Variants in HMCN1 observed in about 807,000 individuals in gnomAD.
HMCN1 encodes the protein hemicentin-1.
HMCN1 carries 321 observed loss-of-function variants against 625.9 expected under a neutral mutation model. That is an observed-to-expected ratio of 0.51 (90% CI 0.47 to 0.56). The LOEUF is 0.56. Among genes scored for constraint, HMCN1 ranks in the 20% least tolerant of loss-of-function variants. HMCN1 has a pLI of 0.00. For missense variants in HMCN1, 6,588 were observed against 6,887.3 expected (o/e 0.96, Z 1.54); for synonymous variants, 2,425 against 2,417.6 (o/e 1.00, Z -0.09).
At chr1:185,779,922 A>T (rs984342905) in intron 1 of HMCN1, among the ~76,000 whole-genome samples, 1 of 152,222 alleles carries the variant, frequency 6.6e-6, no homozygotes, top group African/African-American at 2.4e-5. Flanking sequence ...CATTGAATGT[A>T]TAAATTACCT....
Position 185,864,440 on chromosome 1 carries a change from C to T in HMCN1, c.340-30C>T, listed in dbSNP as rs373111290. The T allele has an allele frequency of 5.5e-5, 89 of 1,607,768 alleles. No homozygotes were observed. In the African/African-American group the frequency reaches 6.2e-4, roughly 11 times the overall value. On this transcript the variant is annotated intron_variant, in intron 2 of 106. Coordinates refer to ENST00000271588, the MANE Select transcript of HMCN1 (RefSeq NM_031935.3). ...AATATTCAATTGTTTTTGATGATGACGTAATTGAATTTTTCTCTCCACTCA... is the reference window on the plus strand; with the variant it reads ...AATATTCAATTGTTTTTGATGATGATGTAATTGAATTTTTCTCTCCACTCA...
Position 185,963,771 on chromosome 1 carries a change from T to TA in HMCN1, c.1975dup (p.Arg659LysfsTer27). The TA allele has an allele frequency of 6.3e-7, 1 of 1,598,708 alleles. No homozygotes were observed. On this transcript the variant is annotated frameshift_variant, in exon 13 of 107. Coordinates refer to ENST00000271588, the MANE Select transcript of HMCN1 (RefSeq NM_031935.3). LOFTEE classifies it high-confidence loss of function. Reference sequence around the variant, plus strand: ...TCTTTTTGTTTTTTATTCATAGGTATAGGATGACCTCAGATGGTACCTTAT... The same window carrying TA: ...TCTTTTTGTTTTTTATTCATAGGTATAAGGATGACCTCAGATGGTACCTTAT...
chr1:185,907,362 T>C (rs1490718259), intron 4 of HMCN1, among the ~76,000 whole-genome samples: 1 of 151,936 alleles, frequency 6.6e-6, no homozygotes, highest in African/African-American at 2.4e-5. Context: ...TTTCAGTGTG[T>C]CACTCCTCTG....
intron 1 of HMCN1, among the ~76,000 whole-genome samples, chr1:185,764,782 G>C (rs75585508): frequency 0.039 from 5,970 of 152,164 alleles, 344 homozygotes; most frequent in African/African-American, 0.13. Flanking sequence ...ATATGAAATA[G>C]TAATTTGATA....
At chr1:185,996,958 T>G (rs547486974) in intron 24 of HMCN1, among the ~76,000 whole-genome samples, 10 of 152,210 alleles carry the variant, frequency 6.6e-5, no homozygotes, top group African/African-American at 2.4e-4. Flanking sequence ...CTGGGAACTG[T>G]GCAGAATATC....
rs774985069 is a variant in HMCN1 at position 186,130,743 on chromosome 1, C to G, written c.13230+46C>G. 57 of 1,503,006 alleles carry G rather than the reference C, an allele frequency of 3.8e-5. No individual in the cohort carries two copies. In the South Asian group the frequency reaches 4.6e-4, roughly 12 times the overall value. 93.1% of individuals were successfully genotyped at this position (1,503,006 alleles called of 1,614,324 possible). A position where few individuals can be genotyped will look rare whatever the true frequency, so the allele number is the denominator to read the frequency against. Reference sequence around the variant, plus strand: ...TGATGCACCTTTAAACCCCCACAGCCAATACCCCTCTGTGAGTGCCATAGA... The same window carrying G: ...TGATGCACCTTTAAACCCCCACAGCGAATACCCCTCTGTGAGTGCCATAGA... On this transcript the variant is annotated intron_variant, in intron 85 of 106. Coordinates refer to ENST00000271588, the MANE Select transcript of HMCN1 (RefSeq NM_031935.3).
chr1:186,102,710 G>A (rs1419319860), intron 68 of HMCN1, among the ~76,000 whole-genome samples: 2 of 152,128 alleles, frequency 1.3e-5, no homozygotes, highest in East Asian at 3.9e-4. Flanking sequence ...CTGTCCAACA[G>A]CTATTTTGGC....
At chr1:186,175,790 A>G (rs1315354282) in intron 103 of HMCN1, among the ~76,000 whole-genome samples, 2 of 151,458 alleles carry the variant, frequency 1.3e-5, no homozygotes, top group East Asian at 3.9e-4. Context: ...AGGCTGAGAC[A>G]AGACAATCTC....
At chr1:185,944,374 T>A (rs188857161) in intron 11 of HMCN1, among the ~76,000 whole-genome samples, 1 of 152,214 alleles carries the variant, frequency 6.6e-6, no homozygotes, top group Non-Finnish European at 1.5e-5. Flanking sequence ...TGCACTAAAA[T>A]CTCAGAATTT....
intron 63 of HMCN1, 29 bp from the exon 64 acceptor site, chr1:186,090,729 T>TA: frequency 6.2e-7 from 1 of 1,610,810 alleles, no homozygotes; most frequent in East Asian, 2.2e-5. Flanking sequence ...TGTGTCTTGT[T>TA]AATGAAATTC....
intron 1 of HMCN1, among the ~76,000 whole-genome samples, chr1:185,744,679 A>G (rs1225325640): frequency 2.0e-5 from 3 of 152,198 alleles, no homozygotes; most frequent in Admixed American, 1.3e-4. Context: ...AGAGCAGTGC[A>G]CCTGATCCTG....
chr1:186,122,534 A>G (rs1204443631), intron 80 of HMCN1, among the ~76,000 whole-genome samples: 2 of 152,230 alleles, frequency 1.3e-5, no homozygotes, highest in African/African-American at 4.8e-5. Context: ...TCTAAGCTCT[A>G]TGGAAATACG....
chr1:186,146,652 G>A (rs1312934598), intron 93 of HMCN1, among the ~76,000 whole-genome samples: 4 of 152,182 alleles, frequency 2.6e-5, no homozygotes, highest in African/African-American at 9.7e-5. Context: ...ATTTAAAAAT[G>A]TATAGGACCT....
intron 44 of HMCN1, 82 bp downstream of exon 44, chr1:186,054,068 T>C (rs991533865): frequency 7.6e-7 from 1 of 1,319,674 alleles, no homozygotes; most frequent in Admixed American, 1.8e-5. Flanking sequence ...AAAATATCTT[T>C]AATGTTCATT....
At chr1:185,987,289 T>A in intron 19 of HMCN1, 143 bp from the exon 20 acceptor site, 1 of 692,662 alleles carries the variant, frequency 1.4e-6, no homozygotes, top group Non-Finnish European at 2.6e-6. Context: ...TTACAGAGAT[T>A]ATCCTACATT....
intron 55 of HMCN1, among the ~76,000 whole-genome samples, 195 bp downstream of exon 55, chr1:186,078,415 A>G (rs111649527): frequency 1.2e-3 from 189 of 152,280 alleles, no homozygotes; most frequent in African/African-American, 4.4e-3. Flanking sequence ...TAAGAAACAA[A>G]CTGACTTAAA....
intron 14 of HMCN1, among the ~76,000 whole-genome samples, chr1:185,966,407 G>A (rs1362809282): frequency 6.6e-6 from 1 of 152,124 alleles, no homozygotes; most frequent in African/African-American, 2.4e-5. Context: ...CATGGTAAAT[G>A]CTTGTCTCAA....
chr1:186,115,549 A>T, intron 75 of HMCN1, 135 bp downstream of exon 75: 1 of 812,732 alleles, frequency 1.2e-6, no homozygotes. Flanking sequence ...TTTTTTCCTT[A>T]ATATGGACTT....
At chr1:186,137,032 C>T in intron 87 of HMCN1, 95 bp downstream of exon 87, 1 of 1,405,014 alleles carries the variant, frequency 7.1e-7, no homozygotes, top group South Asian at 1.2e-5. Flanking sequence ...TCTCCTGTCA[C>T]CTTAACATAC....
Sources: gnomAD v4.1 joint callset for allele counts (sites outside exome capture counted in the v4.1 genomes callset) on GRCh38, gnomAD v4.1.1 for gene constraint, MANE v1.5 for transcripts, NCBI Gene and HGNC (gene_info 2026-07-23, HGNC 2026-07-21) for gene names.